DOCK2: variants seen among roughly 807,000 people sequenced by gnomAD.
The protein encoded by DOCK2 is dedicator of cytokinesis 2.
In DOCK2, 87 loss-of-function variants were observed where a neutral mutation model predicts 248.9. The ratio of observed to expected loss-of-function variants is 0.35; its 90% confidence interval spans 0.29 to 0.42. The LOEUF (loss-of-function observed/expected upper bound fraction) is 0.42. DOCK2 is among the 10% of genes least tolerant of loss of function. The pLI, the probability that DOCK2 is intolerant of heterozygous loss-of-function variation, is 1.00. For missense variants in DOCK2, 1,747 were observed against 2,300.2 expected, an observed-to-expected ratio of 0.76 and a Z score of 4.92; for synonymous variants, 805 against 821.6, an observed-to-expected ratio of 0.98 and a Z score of 0.35.
intron 27 of DOCK2, among the ~76,000 whole-genome samples, chr5:169,877,160 T>C (rs1003905839): frequency 2.6e-5 from 4 of 152,106 alleles, no homozygotes; most frequent in African/African-American, 9.7e-5. Context: ...GGAACTTATG[T>C]AAAGGCACAG....
chr5:169,951,475 C>G (rs552198728), intron 27 of DOCK2, among the ~76,000 whole-genome samples: 46 of 152,282 alleles, frequency 3.0e-4, no homozygotes, highest in Admixed American at 3.0e-3. Context: ...AAATTCTTGG[C>G]TAATTCACTC....
intron 43 of DOCK2, chr5:170,057,039 G>A (rs1471085600): frequency 1.8e-5 from 8 of 451,558 alleles, no homozygotes; most frequent in Non-Finnish European, 2.4e-5. Flanking sequence ...CCAGCACGTA[G>A]AAACCCTCAG....
chr5:170,041,099 A>T lies in DOCK2; in HGVS notation c.3710A>T (p.Tyr1237Phe), dbSNP rs781142067. ...GATCTTCACCTGGACTGTGACAATT[A>T]CACAGAGGCTGCCTACACGCTCCTT... The part of the protein sequence containing the change: ...LRDLHLDCDN[Y>F]TEAAYTLLLH... Residue 1237 changes from tyrosine to phenylalanine, a missense_variant, in exon 37 of 52, where the codon TAC becomes TTC. By Grantham distance (22) the Tyr-to-Phe change is conservative. Transcript: ENST00000520908. The T allele has an allele frequency of 2.5e-6, 4 of 1,614,120 alleles. No homozygotes were observed. The East Asian group carries it at 8.9e-5, about 36-fold the overall frequency.
At chr5:169,747,595 G>A (rs1268923096) in intron 23 of DOCK2, 91 bp downstream of exon 23, 3 of 1,174,032 alleles carry the variant, frequency 2.6e-6, no homozygotes, top group African/African-American at 1.5e-5. Flanking sequence ...ACTTAAATAT[G>A]CAAACTTGTA....
chr5:170,039,737 A>G (rs572313853), intron 36 of DOCK2, among the ~76,000 whole-genome samples: 64 of 152,336 alleles, frequency 4.2e-4, no homozygotes, highest in Admixed American at 3.1e-3. Context: ...AAAGGAAAAT[A>G]AACCAGAGCA....
chr5:169,971,138 G>A (rs1777489890), intron 27 of DOCK2, among the ~76,000 whole-genome samples: 1 of 151,256 alleles, frequency 6.6e-6, no homozygotes, highest in Non-Finnish European at 1.5e-5. Context: ...ACAGGGAAGT[G>A]GGACAAATGT....
At chr5:169,725,486 A>C (rs1347869345) in intron 22 of DOCK2, among the ~76,000 whole-genome samples, 4 of 132,778 alleles carry the variant, frequency 3.0e-5, no homozygotes, top group African/African-American at 4.9e-5. Context: ...TTTTCTTTTT[A>C]TTTATTTATT....
chr5:169,793,808 C>G (rs1228400744), intron 25 of DOCK2, among the ~76,000 whole-genome samples: 3 of 152,164 alleles, frequency 2.0e-5, no homozygotes, highest in Admixed American at 2.0e-4. Context: ...CACATCATTC[C>G]TCCAAGTTCT....
intron 36 of DOCK2, among the ~76,000 whole-genome samples, chr5:170,039,946 C>T (rs1209139888): frequency 6.6e-6 from 1 of 152,216 alleles, no homozygotes; most frequent in Non-Finnish European, 1.5e-5. Flanking sequence ...GTCACCGATG[C>T]AGTGGTTCAT....
chr5:169,681,639 C>CG, intron 6 of DOCK2, 105 bp from the exon 7 acceptor site: 1 of 1,371,872 alleles, frequency 7.3e-7, no homozygotes, highest in Non-Finnish European at 9.9e-7. Context: ...TTCTATGTGA[C>CG]TATATGACCC....
intron 26 of DOCK2, among the ~76,000 whole-genome samples, chr5:169,837,729 C>T (rs1769679003): frequency 6.6e-6 from 1 of 152,130 alleles, no homozygotes; most frequent in Admixed American, 6.5e-5. Flanking sequence ...CAAGGTCACC[C>T]AGCTCAAATG....
chr5:169,913,026 G>A (rs1774694258), intron 27 of DOCK2, among the ~76,000 whole-genome samples: 1 of 152,118 alleles, frequency 6.6e-6, no homozygotes, highest in South Asian at 2.1e-4. Flanking sequence ...CAATTGTAGT[G>A]CCTTCTCCAC....
chr5:169,979,928 G>A (rs980262872), intron 27 of DOCK2, among the ~76,000 whole-genome samples: 1 of 152,124 alleles, frequency 6.6e-6, no homozygotes, highest in Admixed American at 6.5e-5. Context: ...CTTTTAAAAT[G>A]AAGAATGGAA....
intron 22 of DOCK2, among the ~76,000 whole-genome samples, chr5:169,745,866 A>G (rs17071660): frequency 0.045 from 6,780 of 152,226 alleles, 464 homozygotes; most frequent in African/African-American, 0.14. Flanking sequence ...TGGCAGAACA[A>G]GAAGGCTCAG....
Position 170,027,819 on chromosome 5 carries a change from A to T in DOCK2, c.3382-44A>T, listed in dbSNP as rs371178440. ...AATGAATTGACTAATTTCAGCCCTC[A>T]GCCTTCTGATGTTATTGTTGATTTT... On this transcript the variant is annotated intron_variant, in intron 33 of 51. Coordinates refer to ENST00000520908, the MANE Select transcript of DOCK2 (RefSeq NM_004946.3). 4 of 1,568,514 alleles carry T rather than the reference A, an allele frequency of 2.6e-6. No individual in the cohort carries two copies. In the African/African-American group the frequency reaches 5.4e-5, roughly 21 times the overall value.
chr5:169,980,398 C>T (rs192630664), intron 27 of DOCK2: 40 of 152,290 alleles, frequency 2.6e-4, no homozygotes, highest in Admixed American at 2.3e-3. Context: ...TTGTAATTTT[C>T]ACTGTTTATA....
intron 27 of DOCK2, among the ~76,000 whole-genome samples, chr5:169,929,306 A>G (rs1775627467): frequency 6.6e-6 from 1 of 152,170 alleles, no homozygotes; most frequent in Non-Finnish European, 1.5e-5. Context: ...ATTGACACCA[A>G]CAAGTTCATC....
At chr5:170,054,103 A>G (rs570817772) in intron 41 of DOCK2, among the ~76,000 whole-genome samples, 1 of 152,240 alleles carries the variant, frequency 6.6e-6, no homozygotes, top group Non-Finnish European at 1.5e-5. Context: ...GATGCTGATA[A>G]GGGAAAATGT....
At chr5:169,896,450 C>T (rs1284583330) in intron 27 of DOCK2, among the ~76,000 whole-genome samples, 2 of 152,142 alleles carry the variant, frequency 1.3e-5, no homozygotes, top group Non-Finnish European at 2.9e-5. Context: ...TACTTAACCT[C>T]TCTGGGCTAT....
Sources: gnomAD v4.1 joint callset for allele counts (sites outside exome capture counted in the v4.1 genomes callset) on GRCh38, gnomAD v4.1.1 for gene constraint, MANE v1.5 for transcripts, NCBI Gene and HGNC (gene_info 2026-07-23, HGNC 2026-07-21) for gene names.